The following TRPC7 variants were observed in gnomAD, a reference collection of about 807,000 sequenced individuals.
TRPC7 encodes transient receptor potential cation channel subfamily C member 7.
Under a neutral mutation model 90.1 loss-of-function variants are expected in TRPC7, and 42 were observed. The observed-to-expected ratio is 0.47, with a 90% CI of 0.36 to 0.60. The LOEUF is 0.60. TRPC7 is among the 20% of genes least tolerant of loss of function. The probability of loss-of-function intolerance (pLI) is 0.00; values close to 1 mark genes in which losing one functional copy is unlikely to be tolerated. For synonymous variants in TRPC7, 451 were observed against 436.3 expected (o/e 1.03, Z -0.42); for missense variants, 955 against 1,112.3 (o/e 0.86, Z 2.01).
intron 3 of TRPC7, chr5:136,314,429 C>A (rs915791032): frequency 3.3e-5 from 5 of 152,196 alleles, no homozygotes; most frequent in African/African-American, 1.2e-4. Flanking sequence ...GAAACTGCAG[C>A]CTGATTCTCC....
intron 3 of TRPC7, among the ~76,000 whole-genome samples, chr5:136,305,180 C>T (rs976161291): frequency 3.9e-5 from 6 of 152,190 alleles, no homozygotes; most frequent in Non-Finnish European, 5.9e-5. Flanking sequence ...CATATTATTC[C>T]TGATACCACA....
Position 136,266,400 on chromosome 5 carries a change from C to G in TRPC7, c.1165G>C (p.Val389Leu). The stretch of plus-strand genomic sequence containing the variant: ...ATTGTAAAAGAAACTGCATGAGCTA[C>G]AAACTTCATGAAAGGGCTCCTCAGG... ...RTLRSPFMKF[V>L]AHAVSFTIFL... The change falls in exon 5 of 12, where the codon GTA (valine) becomes CTA (leucine). Residue 389 changes from valine (V) to leucine (L), a missense_variant. Physicochemically the swap from Val to Leu is conservative, Grantham distance 32 (BLOSUM62 1). Coordinates refer to ENST00000513104, the MANE Select transcript of TRPC7 (RefSeq NM_020389.3). 1 of 1,613,788 alleles carries G rather than the reference C, an allele frequency of 6.2e-7. No homozygotes were observed. Among genetic ancestry groups the G allele is most frequent in the Non-Finnish European group, 8.5e-7 (1 of 1,179,776 alleles).
chr5:136,362,894 A>G (rs578148009), intron 1 of TRPC7, among the ~76,000 whole-genome samples: 1 of 152,276 alleles, frequency 6.6e-6, no homozygotes, highest in South Asian at 2.1e-4. Flanking sequence ...TGCCTTGCAT[A>G]TGGTGCTTGG....
intron 2 of TRPC7, among the ~76,000 whole-genome samples, chr5:136,333,444 A>G (rs1364103696): frequency 3.3e-5 from 5 of 152,230 alleles, no homozygotes; most frequent in Non-Finnish European, 7.3e-5. Context: ...CAGGAGCTGG[A>G]TCATGGAGGA....
chr5:136,274,588 C>A, intron 4 of TRPC7, 85 bp downstream of exon 4: 2 of 1,321,154 alleles, frequency 1.5e-6, no homozygotes, highest in South Asian at 2.6e-5. Context: ...AAATCAGCTG[C>A]TAATTTGAAC....
rs759246259 is a variant in TRPC7 at position 136,357,199 on chromosome 5, C to T, written c.189G>A (p.Leu63=). 2.5e-6 allele frequency: 4 copies of T among 1,613,822 alleles called. No individual in the cohort carries two copies. In the Admixed American group the frequency reaches 5.0e-5, roughly 20 times the overall value. Residue 63 remains leucine, a synonymous_variant, in exon 2 of 12, where the codon CTG becomes CTA. Transcript: ENST00000513104. ...YGNIPVVRKM[L]EESKTLNFNC... is the part of the protein sequence containing the mutation. Reference sequence around the variant, plus strand: ...TGAAGTTAAGGGTCTTGGACTCCTCCAGCATTTTCCGGACCACCGGGATGT... The same window carrying T: ...TGAAGTTAAGGGTCTTGGACTCCTCTAGCATTTTCCGGACCACCGGGATGT...
At chr5:136,232,544 C>T (rs144651745) in intron 7 of TRPC7, among the ~76,000 whole-genome samples, 8 of 152,362 alleles carry the variant, frequency 5.3e-5, no homozygotes, top group Non-Finnish European at 1.0e-4. Flanking sequence ...CCTCACCCTA[C>T]GGCTCACTTA....
At chr5:136,246,791 T>C (rs945320028) in intron 7 of TRPC7, among the ~76,000 whole-genome samples, 3 of 152,112 alleles carry the variant, frequency 2.0e-5, no homozygotes, top group African/African-American at 7.2e-5. Flanking sequence ...TAAGAATAAT[T>C]TTTTTTACCA....
chr5:136,315,707 C>G lies in TRPC7; in HGVS notation c.853G>C (p.Glu285Gln). 1 of 1,614,102 alleles carries G rather than the reference C, an allele frequency of 6.2e-7. No homozygotes were observed. Among genetic ancestry groups the G allele is most frequent in the Non-Finnish European group, 8.5e-7 (1 of 1,179,974 alleles). Residue 285 changes from glutamate to glutamine, a missense_variant, in exon 3 of 12, where the codon GAA (glutamate) becomes CAA (glutamine). This residue lies in a region of TRPC7 where 484 missense variants were observed against 509.6 expected (regional missense o/e 0.95). Transcript: ENST00000513104. ...CCGTTTAAAATTGCTTCCACCTCTT[C>G]TGTGTCTCGGCACAGGTCCAGCACG... ...VGVLDLCRDT[E>Q]EVEAILNGDV...
chr5:136,322,272 C>T (rs1173587338), intron 2 of TRPC7, among the ~76,000 whole-genome samples: 1 of 152,106 alleles, frequency 6.6e-6, no homozygotes, highest in Non-Finnish European at 1.5e-5. Context: ...TGTCAGCCTC[C>T]CAAAGTGCTG....
intron 2 of TRPC7, among the ~76,000 whole-genome samples, chr5:136,345,227 T>C (rs1224286834): frequency 6.6e-6 from 1 of 152,152 alleles, no homozygotes; most frequent in African/African-American, 2.4e-5. Context: ...TTTTTGTACC[T>C]GGAGGTTGGG....
intron 2 of TRPC7, among the ~76,000 whole-genome samples, chr5:136,350,310 C>T (rs985050609): frequency 3.3e-5 from 5 of 152,198 alleles, no homozygotes; most frequent in Non-Finnish European, 7.3e-5. Context: ...CACTTCTCAG[C>T]CTCAAGGAGA....
At chr5:136,300,411 G>A (rs996252873) in intron 3 of TRPC7, among the ~76,000 whole-genome samples, 5 of 152,154 alleles carry the variant, frequency 3.3e-5, no homozygotes, top group African/African-American at 7.2e-5. Context: ...CCCACAGGAG[G>A]CAAAGGCCCC....
chr5:136,255,226 C>T (rs1432148397), intron 5 of TRPC7, among the ~76,000 whole-genome samples: 1 of 152,200 alleles, frequency 6.6e-6, no homozygotes, highest in Non-Finnish European at 1.5e-5. Context: ...GAAAGAAGTT[C>T]TACTTTGGGT....
At chr5:136,272,139 G>A (rs1364644831) in intron 4 of TRPC7, among the ~76,000 whole-genome samples, 1 of 152,198 alleles carries the variant, frequency 6.6e-6, no homozygotes. Flanking sequence ...CAAGGTCTAA[G>A]TTTTCAGAAA....
chr5:136,363,930 T>A (rs948175521), intron 1 of TRPC7, among the ~76,000 whole-genome samples: 1 of 152,194 alleles, frequency 6.6e-6, no homozygotes, highest in African/African-American at 2.4e-5. Flanking sequence ...CTGAAACAAG[T>A]TTTGATAGCT....
chr5:136,296,305 A>G (rs748630560), intron 3 of TRPC7, among the ~76,000 whole-genome samples: 13 of 152,220 alleles, frequency 8.5e-5, no homozygotes, highest in Non-Finnish European at 1.6e-4. Flanking sequence ...TGCAGATGAA[A>G]CCAGGTCATT....
At chr5:136,297,866 G>C (rs1758235463) in intron 3 of TRPC7, among the ~76,000 whole-genome samples, 1 of 152,120 alleles carries the variant, frequency 6.6e-6, no homozygotes, top group African/African-American at 2.4e-5. Flanking sequence ...AGAGCTCTGT[G>C]AGTTTCCTCA....
chr5:136,222,165 A>G (rs1020324353), intron 10 of TRPC7: 1 of 152,176 alleles, frequency 6.6e-6, no homozygotes, highest in African/African-American at 2.4e-5. Context: ...GGAAAAAAAA[A>G]ACACAGAAAG....
Sources: allele counts gnomAD v4.1 joint callset (sites outside exome capture counted in the v4.1 genomes callset), GRCh38; gene constraint gnomAD v4.1.1; regional missense constraint gnomAD v4.1.1; transcripts MANE v1.5; gene names NCBI Gene and HGNC (gene_info 2026-07-23, HGNC 2026-07-21).